Variants in TNRC6C observed in about 807,000 individuals in gnomAD.
The protein encoded by TNRC6C is trinucleotide repeat containing adaptor 6C.
TNRC6C carries 20 observed loss-of-function variants against 153.7 expected under a neutral mutation model. The observed-to-expected ratio is 0.13, with a 90% CI of 0.09 to 0.19. The LOEUF (loss-of-function observed/expected upper bound fraction) is 0.19. TNRC6C is among the 10% of genes least tolerant of loss of function. The pLI is 1.00. For synonymous variants in TNRC6C, 811 were observed against 841.4 expected, an observed-to-expected ratio of 0.96 and a Z score of 0.63; for missense variants, 1,987 against 2,172.0, an observed-to-expected ratio of 0.91 and a Z score of 1.69.
chr17:78,051,193 G>A, exon 3 of TNRC6C: 1 of 1,574,510 alleles, frequency 6.4e-7, no homozygotes, highest in Non-Finnish European at 8.6e-7. Flanking sequence ...AACTGGCTGG[G>A]AAGAACCCTC....
At position 78,079,404 on chromosome 17, in the gene TNRC6C, G is replaced by A. The variant is rs2073139907; in HGVS notation, c.3220G>A (p.Gly1074Ser). 1.2e-6 allele frequency: 2 copies of A among 1,613,906 alleles called. No individual in the cohort carries two copies. The highest frequency in any genetic ancestry group is 1.7e-6 in the Non-Finnish European group (2 of 1,179,848). ...TTCTGTCCCTGTGCAGATACCGAGT[G>A]GCAATCTGGGTATGTTTGGCAATAG... The change falls in exon 10 of 20, where the codon GGC becomes AGC. Residue 1074 changes from glycine to serine, a missense_variant. Around this residue, in one of 4 missense-constraint regions of TNRC6C, gnomAD observed 765 missense variants for 908.6 expected, o/e 0.84. Coordinates refer to ENST00000301624, the Ensembl canonical transcript of TNRC6C. The surrounding 1 kb of genome is among the most constrained non-coding windows in gnomAD (Gnocchi z 4.3).
At chr17:78,086,113 C>T (rs1033802283) in intron 11 of TNRC6C, among the ~76,000 whole-genome samples, 1 of 151,832 alleles carries the variant, frequency 6.6e-6, no homozygotes, top group African/African-American at 2.4e-5. Flanking sequence ...AGGCAGATCA[C>T]GAAGTCAGTA....
chr17:78,098,209 C>T (rs964682927), intron 16 of TNRC6C, 134 bp from the exon 20 acceptor site: 2 of 927,322 alleles, frequency 2.2e-6, no homozygotes, highest in Non-Finnish European at 3.1e-6. Context: ...TTGCCAGGGG[C>T]TTGACTTGGT....
rs375547861 is a variant in TNRC6C, at chr17:78,087,107, G to A, written c.3802+14G>A. The A allele has an allele frequency of 2.0e-5, 33 of 1,610,832 alleles. No individual in the cohort carries two copies. The African/African-American group carries it at 3.6e-4, about 18-fold the overall frequency. ...CTTACCCTCTCGGTGAGTGTCCCAT[G>A]GTCTTCAACAGCCACATCAGGTAGA... is the stretch of plus-strand genomic sequence containing the variant. On this transcript the variant is annotated intron_variant, in intron 13 of 19. Transcript: ENST00000301624.
chr17:77,961,280 C>G (rs2070860136), intron 1 of TNRC6C, among the ~76,000 whole-genome samples: 2 of 152,030 alleles, frequency 1.3e-5, no homozygotes, highest in South Asian at 2.1e-4. Context: ...CTCACCCTCC[C>G]GAGTAGCAGG....
At chr17:77,976,928 T>C in intron 1 of TNRC6C, among the ~76,000 whole-genome samples, 2 of 45,626 alleles carry the variant, frequency 4.4e-5, no homozygotes, top group Non-Finnish European at 3.6e-5. Context: ...AGACTCCATC[T>C]CAGAAAAAAA....
In TNRC6C at chr17:78,033,705, T is replaced by C. The variant is rs574705448; in HGVS notation, c.-219+1863T>C. 9.9e-5 allele frequency among the ~76,000 whole-genome samples: 15 copies of C among 151,980 alleles called. No homozygotes were observed. In the South Asian group the frequency reaches 1.5e-3, roughly 15 times the overall value. On this transcript the variant is annotated intron_variant, in intron 2 of 19. Transcript: ENST00000301624. ...AGGTGTGTGAGTATATATATAAATA[T>C]ACATATAAACACACACACATATTGA...
intron 1 of TNRC6C, among the ~76,000 whole-genome samples, chr17:77,991,457 T>C (rs1173342995): frequency 6.6e-6 from 1 of 152,220 alleles, no homozygotes; most frequent in African/African-American, 2.4e-5. Context: ...TCCCCAGCCT[T>C]CCTTGTGTCT....
intron 1 of TNRC6C, among the ~76,000 whole-genome samples, chr17:77,994,451 A>G (rs1268935627): frequency 1.3e-5 from 2 of 152,166 alleles, no homozygotes; most frequent in East Asian, 1.9e-4. Flanking sequence ...CTTTGAACAT[A>G]AGTTAGTTTA....
intron 3 of TNRC6C, among the ~76,000 whole-genome samples, chr17:78,056,245 C>T (rs1412367061): frequency 1.3e-5 from 2 of 151,748 alleles, no homozygotes; most frequent in African/African-American, 2.4e-5. Context: ...GCAACTTCCA[C>T]CTCCCGGGTT....
intron 6 of TNRC6C, among the ~76,000 whole-genome samples, chr17:78,071,765 A>T (rs1379679044): frequency 2.6e-5 from 4 of 152,224 alleles, no homozygotes; most frequent in Non-Finnish European, 5.9e-5. Context: ...TTAAACGTGA[A>T]TTTCATTAGT....
chr17:77,984,369 C>A (rs116036551), intron 1 of TNRC6C, among the ~76,000 whole-genome samples: 4,723 of 133,832 alleles, frequency 0.035, 154 homozygotes, highest in African/African-American at 0.094. Context: ...AAAAAAAAAA[C>A]AAAAAAAAAA....
intron 1 of TNRC6C, among the ~76,000 whole-genome samples, chr17:78,030,325 C>CGTGTGTGTGT (rs60964524): frequency 5.3e-5 from 8 of 149,870 alleles, no homozygotes; most frequent in African/African-American, 2.0e-4. Flanking sequence ...TGTGTGTGTG[C>CGTGTGTGTGT]GTGTGTGTGT....
chr17:78,054,666 A>ATG (rs2072611282), intron 3 of TNRC6C, among the ~76,000 whole-genome samples: 1 of 151,958 alleles, frequency 6.6e-6, no homozygotes, highest in Non-Finnish European at 1.5e-5. Context: ...AGACTACTGT[A>ATG]CGCTACTGGA....
In TNRC6C at chr17:78,033,463, A is replaced by G. The variant is rs142753763; in HGVS notation, c.-219+1621A>G. On this transcript the variant is annotated intron_variant, in intron 2 of 19. Transcript: ENST00000301624. ...GGTGGGCGGATCACCTGAGGTCGAGAGTTCGAGACCAGCCTGACCAACATG... is the reference window on the plus strand; with the variant it reads ...GGTGGGCGGATCACCTGAGGTCGAGGGTTCGAGACCAGCCTGACCAACATG... Among the ~76,000 whole-genome samples, 430 of 152,308 alleles carry G rather than the reference A, an allele frequency of 2.8e-3. 4 individuals are homozygous for G. The highest frequency in any genetic ancestry group is 0.01 in the African/African-American group (418 of 41,568).
intron 17 of TNRC6C, among the ~76,000 whole-genome samples, chr17:78,101,828 G>A (rs1404311915): frequency 1.3e-5 from 2 of 152,172 alleles, no homozygotes; most frequent in Non-Finnish European, 2.9e-5. Flanking sequence ...TGGGCCTGGT[G>A]TTCCTTGCCC....
chr17:78,031,053 G>A (rs1192466445), intron 1 of TNRC6C, among the ~76,000 whole-genome samples: 2 of 151,926 alleles, frequency 1.3e-5, no homozygotes, highest in African/African-American at 4.8e-5. Context: ...GAGCTAAGAT[G>A]GTGCCATACT....
intron 1 of TNRC6C, among the ~76,000 whole-genome samples, chr17:77,965,179 T>A (rs1029926829): frequency 1.3e-5 from 2 of 152,238 alleles, no homozygotes; most frequent in Non-Finnish European, 2.9e-5. Context: ...TTCCACAAGA[T>A]CCTATAGCTT....
chr17:78,036,009 TC>T (rs1598716798), intron 2 of TNRC6C, among the ~76,000 whole-genome samples: 1 of 152,170 alleles, frequency 6.6e-6, no homozygotes, highest in African/African-American at 2.4e-5. Flanking sequence ...TGATTACATT[TC>T]TCTAACTTGT....
Sources: allele counts gnomAD v4.1 joint callset (sites outside exome capture counted in the v4.1 genomes callset), GRCh38; gene constraint gnomAD v4.1.1; regional missense constraint gnomAD v4.1.1; non-coding constraint Gnocchi (gnomAD v3.1); transcripts MANE v1.5; gene names NCBI Gene and HGNC (gene_info 2026-07-23, HGNC 2026-07-21).